WWOX: variants seen among roughly 807,000 people sequenced by gnomAD.
The protein encoded by WWOX is WW domain-containing oxidoreductase.
A neutral mutation model predicts 46.2 loss-of-function variants in WWOX; 69 were observed. That is an observed-to-expected ratio of 1.49 (90% confidence interval 1.23 to 1.82). WWOX has a LOEUF of 1.82. Among genes scored for constraint, WWOX ranks in the 40% most tolerant of loss-of-function variants. The pLI is 0.00. For missense variants in WWOX, 919 were observed against 542.6 expected (o/e 1.69, Z -6.89); for synonymous variants, 359 against 202.6 (o/e 1.77, Z -6.56).
At chr16:78,435,666 T>C (rs1845337965) in intron 8 of WWOX, among the ~76,000 whole-genome samples, 1 of 152,136 alleles carries the variant, frequency 6.6e-6, no homozygotes, top group Non-Finnish European at 1.5e-5. Flanking sequence ...GGATTTGACA[T>C]GACTTCCTGG....
chr16:79,053,793 G>T (rs183891063), intron 8 of WWOX, among the ~76,000 whole-genome samples: 1 of 152,102 alleles, frequency 6.6e-6, no homozygotes, highest in African/African-American at 2.4e-5. Flanking sequence ...TAATCCTGGA[G>T]CCTCTGACTT....
intron 8 of WWOX, chr16:78,996,372 A>ACCCCCCCCCCCCCCCCCCCCCCCC (rs1193777245): frequency 2.2e-6 from 1 of 459,182 alleles, no homozygotes; most frequent in Non-Finnish European, 2.5e-6. Flanking sequence ...TGAATTCTGC[A>ACCCCCCCCCCCCCCCCCCCCCCCC]CCCACCCCCG....
intron 5 of WWOX, chr16:78,241,296 C>A (rs200172349): frequency 2.8e-5 from 4 of 141,322 alleles, no homozygotes; most frequent in African/African-American, 1.1e-4. Context: ...GTTTTTTTTT[C>A]CCCTTCTCTG....
chr16:78,815,462 C>G (rs1383317557), intron 8 of WWOX, among the ~76,000 whole-genome samples: 1 of 152,180 alleles, frequency 6.6e-6, no homozygotes, highest in African/African-American at 2.4e-5. Flanking sequence ...ACAAACAGTG[C>G]CTTTACTAAA....
At chr16:78,619,279 G>A (rs552757974) in intron 8 of WWOX, among the ~76,000 whole-genome samples, 7 of 118,564 alleles carry the variant, frequency 5.9e-5, no homozygotes, top group African/African-American at 9.7e-5. Flanking sequence ...CATGAGAATC[G>A]CTTGAACCTG....
intron 8 of WWOX, among the ~76,000 whole-genome samples, chr16:78,956,954 C>T (rs532914639): frequency 3.3e-5 from 5 of 152,200 alleles, no homozygotes; most frequent in Non-Finnish European, 1.5e-5. Context: ...GTTGCAGTCC[C>T]TCCCAGTACG....
chr16:78,772,345 G>A (rs964527224), intron 8 of WWOX, among the ~76,000 whole-genome samples: 44 of 152,102 alleles, frequency 2.9e-4, no homozygotes, highest in Non-Finnish European at 6.0e-4. Context: ...TTCTAGCCCC[G>A]TCCGTGTTCT....
At chr16:78,442,385 T>G (rs139916328) in intron 8 of WWOX, among the ~76,000 whole-genome samples, 290 of 152,204 alleles carry the variant, frequency 1.9e-3, no homozygotes, top group African/African-American at 6.7e-3. Context: ...CAGAATGTAT[T>G]CATTCTGTCT....
chr16:79,088,934 C>A (rs76287276), intron 8 of WWOX, among the ~76,000 whole-genome samples: 1 of 152,076 alleles, frequency 6.6e-6, no homozygotes, highest in Non-Finnish European at 1.5e-5. Context: ...CTTTTAAAAT[C>A]TATTTTTTTT....
chr16:78,136,675 G>A lies in WWOX; in HGVS notation c.409+21521G>A, dbSNP rs2033801542. Among the ~76,000 whole-genome samples the A allele has an allele frequency of 2.6e-5, 4 of 152,240 alleles. 1 individual carries two copies. The highest frequency in any genetic ancestry group is 2.6e-4 in the Admixed American group (4 of 15,286). On this transcript the variant is annotated intron_variant, in intron 4 of 8. Transcript: ENST00000566780. Reference sequence around the variant, plus strand: ...AGGTTGGTTCGTTAACCTGTAAAGAGATGTTTGGGTTTTAAGAGGTCTATC... The same window carrying A: ...AGGTTGGTTCGTTAACCTGTAAAGAAATGTTTGGGTTTTAAGAGGTCTATC...
intron 8 of WWOX, among the ~76,000 whole-genome samples, chr16:78,628,948 G>A (rs556143187): frequency 4.6e-5 from 7 of 152,150 alleles, no homozygotes; most frequent in Admixed American, 3.3e-4. Context: ...AGATGTTTCC[G>A]TTCTATTTTA....
intron 8 of WWOX, among the ~76,000 whole-genome samples, chr16:78,477,060 C>T (rs2084368221): frequency 1.3e-5 from 2 of 152,016 alleles, no homozygotes; most frequent in South Asian, 2.1e-4. Context: ...CTTGAATTAC[C>T]AGGTGATCAT....
chr16:78,542,008 C>T (rs1441601006), intron 8 of WWOX, among the ~76,000 whole-genome samples: 4 of 65,468 alleles, frequency 6.1e-5, no homozygotes, highest in African/African-American at 1.7e-4. Flanking sequence ...TTTCTTTCAA[C>T]AGAGTATACC....
At chr16:78,426,244 C>A (rs73572826) in intron 7 of WWOX, among the ~76,000 whole-genome samples, 3 of 151,986 alleles carry the variant, frequency 2.0e-5, no homozygotes, top group African/African-American at 4.8e-5. Flanking sequence ...TGTTAAGGGG[C>A]GAGGGAGGCT....
intron 8 of WWOX, among the ~76,000 whole-genome samples, chr16:79,099,520 T>C (rs897182940): frequency 6.6e-6 from 1 of 151,934 alleles, no homozygotes; most frequent in African/African-American, 2.4e-5. Context: ...GCTGGCCAGT[T>C]TCTTTAATTT....
At chr16:79,080,457 T>C (rs1597355992) in intron 8 of WWOX, among the ~76,000 whole-genome samples, 1 of 152,266 alleles carries the variant, frequency 6.6e-6, no homozygotes, top group African/African-American at 2.4e-5. Flanking sequence ...GGAGATAGAA[T>C]TCAATTCTTC....
At chr16:79,010,507 CA>C (rs1373316412) in intron 8 of WWOX, among the ~76,000 whole-genome samples, 1 of 152,144 alleles carries the variant, frequency 6.6e-6, no homozygotes, top group Non-Finnish European at 1.5e-5. Flanking sequence ...GGGGATCCCC[CA>C]GGGAATAAGC....
chr16:78,638,839 G>A (rs1471882964), intron 8 of WWOX, among the ~76,000 whole-genome samples: 1 of 152,120 alleles, frequency 6.6e-6, no homozygotes, highest in Non-Finnish European at 1.5e-5. Flanking sequence ...TAGCTCCTGT[G>A]AAGATTCAGG....
At chr16:78,832,120 G>C (rs184572500) in intron 8 of WWOX, among the ~76,000 whole-genome samples, 68 of 152,286 alleles carry the variant, frequency 4.5e-4, no homozygotes, top group African/African-American at 1.6e-3. Context: ...TTCTAGCTCA[G>C]GGTCTTTTCT....
Sources: gnomAD v4.1 joint callset for allele counts (sites outside exome capture counted in the v4.1 genomes callset) on GRCh38, gnomAD v4.1.1 for gene constraint, MANE v1.5 for transcripts, NCBI Gene and HGNC (gene_info 2026-07-23, HGNC 2026-07-21) for gene names.